Variants in MCC observed in about 807,000 individuals in gnomAD.
The protein encoded by MCC is colorectal mutant cancer protein.
A neutral mutation model predicts 116.2 loss-of-function variants in MCC; 90 were observed. That is an observed-to-expected ratio of 0.77 (90% CI 0.65 to 0.92). MCC has a LOEUF of 0.92. Ranked by LOEUF, MCC falls within the 40% of genes least tolerant of loss-of-function variation. The pLI, the probability that MCC is intolerant of heterozygous loss-of-function variation, is 0.00. For missense variants in MCC, 1,516 were observed against 1,312.2 expected, an observed-to-expected ratio of 1.16 and a Z score of -2.40; for synonymous variants, 578 against 510.5, an observed-to-expected ratio of 1.13 and a Z score of -1.78.
chr5:113,158,543 T>A (rs972580252), intron 3 of MCC, among the ~76,000 whole-genome samples: 1 of 152,188 alleles, frequency 6.6e-6, no homozygotes, highest in African/African-American at 2.4e-5. Flanking sequence ...ATGAAAGTAA[T>A]AATATTAATA....
At position 113,488,247 on chromosome 5, in the gene MCC, G is replaced by A; in HGVS notation, c.168C>T (p.Ser56=). 1.3e-6 allele frequency: 2 copies of A among 1,594,176 alleles called. No individual in the cohort carries two copies. The highest frequency in any genetic ancestry group is 1.7e-6 in the Non-Finnish European group (2 of 1,171,122). ...TTTCCTCGTACCTCCCCGCGTACCT[G>A]CTGATGTATCCGTCCCCGTCGCCGT... ...TCDGDGDGYI[S]RNDLLMVCRQ... is the part of the protein sequence containing the mutation. The change falls in exon 1 of 19, where the codon AGC becomes AGT. Residue 56 remains serine, a splice_region_variant and synonymous_variant. Transcript: ENST00000408903.
intron 3 of MCC, among the ~76,000 whole-genome samples, chr5:113,246,959 G>A (rs376925650): frequency 1.3e-5 from 2 of 152,150 alleles, no homozygotes; most frequent in Admixed American, 6.5e-5. Flanking sequence ...GGAGAGATCC[G>A]GAGTCTTGGC....
chr5:113,245,374 T>C (rs1004509194), intron 3 of MCC, among the ~76,000 whole-genome samples: 5 of 151,756 alleles, frequency 3.3e-5, no homozygotes, highest in Non-Finnish European at 5.9e-5. Flanking sequence ...ATATCTTATG[T>C]CCTCTCTCTT....
intron 18 of MCC, among the ~76,000 whole-genome samples, chr5:113,027,806 T>TG (rs1258396051): frequency 3.9e-5 from 6 of 152,180 alleles, no homozygotes; most frequent in African/African-American, 1.4e-4. Flanking sequence ...ATACAAATAG[T>TG]GGGTCTATTT....
At chr5:113,077,712 C>G (rs995899846) in intron 11 of MCC, among the ~76,000 whole-genome samples, 1 of 152,122 alleles carries the variant, frequency 6.6e-6, no homozygotes, top group Non-Finnish European at 1.5e-5. Flanking sequence ...CAGGAAAGAT[C>G]TAAAATCGAC....
At position 113,452,291 on chromosome 5, in the gene MCC, T is replaced by C. The variant is rs543288183; in HGVS notation, c.170+35954A>G. Among the ~76,000 whole-genome samples the C allele has an allele frequency of 1.4e-4, 21 of 152,306 alleles. No individual in the cohort carries two copies. The South Asian group carries it at 4.4e-3, about 32-fold the overall frequency. On this transcript the variant is annotated intron_variant, in intron 1 of 18. Transcript: ENST00000408903. ...CATGCATATATAGGAATGGGAAGAA[T>C]TGTGGGCAGCTATATGCTGTGGTCT...
rs1488660458 is a variant in MCC, at chr5:113,022,296, A to AG, written c.*5005dup. The AG allele has an allele frequency of 6.5e-6, 1 of 152,696 alleles. No individual in the cohort carries two copies. The highest frequency in any genetic ancestry group is 2.4e-5 in the African/African-American group (1 of 41,468). 9.5% of individuals were successfully genotyped at this position (152,696 alleles called of 1,614,324 possible). ...CAAGTGGAGAATCTAAAAAATTACA[A>AG]GGTATAGTACAGTGTTAAGTAGCAA... is the stretch of plus-strand genomic sequence containing the variant. On this transcript the variant is annotated 3_prime_UTR_variant, in exon 19 of 19. Coordinates refer to ENST00000408903, the MANE Select transcript of MCC (RefSeq NM_001085377.2).
At chr5:113,246,508 T>C (rs1233846143) in intron 3 of MCC, among the ~76,000 whole-genome samples, 1 of 152,172 alleles carries the variant, frequency 6.6e-6, no homozygotes, top group Non-Finnish European at 1.5e-5. Flanking sequence ...AATGGCTTAA[T>C]TTTTAGGAAA....
chr5:113,363,142 T>A (rs1179116790), intron 2 of MCC, among the ~76,000 whole-genome samples: 5 of 152,086 alleles, frequency 3.3e-5, no homozygotes, highest in Non-Finnish European at 7.4e-5. Flanking sequence ...GCTGGTGTGG[T>A]GGCACGTGCC....
intron 1 of MCC, among the ~76,000 whole-genome samples, chr5:113,448,720 C>T (rs191881096): frequency 3.3e-4 from 50 of 152,148 alleles, no homozygotes; most frequent in Admixed American, 2.4e-3. Context: ...TATTTTTTCC[C>T]GGAATTACAA....
intron 3 of MCC, among the ~76,000 whole-genome samples, chr5:113,281,093 A>G (rs1383914497): frequency 6.6e-6 from 1 of 152,244 alleles, no homozygotes; most frequent in Non-Finnish European, 1.5e-5. Context: ...TCAATAAAGT[A>G]TCAGAGGCTT....
At chr5:113,151,486 C>A in intron 3 of MCC, 64 bp from the exon 4 acceptor site, 1 of 843,998 alleles carries the variant, frequency 1.2e-6, no homozygotes, top group Non-Finnish European at 1.9e-6. Context: ...TCCCTTCATT[C>A]CCGCAACTAG....
At chr5:113,220,661 C>T (rs944526793) in intron 3 of MCC, among the ~76,000 whole-genome samples, 6 of 152,212 alleles carry the variant, frequency 3.9e-5, no homozygotes, top group African/African-American at 1.2e-4. Context: ...TTCTGTATTT[C>T]CTTGGTATCT....
intron 1 of MCC, among the ~76,000 whole-genome samples, chr5:113,440,414 C>A (rs1771000854): frequency 2.6e-5 from 4 of 152,150 alleles, no homozygotes; most frequent in African/African-American, 2.4e-5. Context: ...ACCTTGATCT[C>A]ATTTTGTCAT....
chr5:113,414,244 G>C (rs1009878050), intron 1 of MCC, among the ~76,000 whole-genome samples: 2 of 152,216 alleles, frequency 1.3e-5, no homozygotes, highest in Non-Finnish European at 2.9e-5. Context: ...TGTATATTCT[G>C]TTGATTCGGG....
intron 1 of MCC, among the ~76,000 whole-genome samples, chr5:113,446,853 A>C (rs1771234275): frequency 6.6e-6 from 1 of 152,230 alleles, no homozygotes; most frequent in Non-Finnish European, 1.5e-5. Context: ...TACTATGTTC[A>C]CTACCTGAGT....
chr5:113,300,003 A>C (rs1376021293), intron 3 of MCC, among the ~76,000 whole-genome samples: 1 of 152,138 alleles, frequency 6.6e-6, no homozygotes, highest in Admixed American at 6.5e-5. Context: ...CCTGGGCATG[A>C]CTGGATGAGG....
intron 3 of MCC, among the ~76,000 whole-genome samples, chr5:113,277,894 T>C (rs892565626): frequency 6.6e-6 from 1 of 152,176 alleles, no homozygotes; most frequent in African/African-American, 2.4e-5. Flanking sequence ...AGCCTTATTA[T>C]CCAACAGTCT....
At chr5:113,459,141 G>GTGTGTGTA in intron 1 of MCC, among the ~76,000 whole-genome samples, 1 of 136,568 alleles carries the variant, frequency 7.3e-6, no homozygotes, top group African/African-American at 3.1e-5. Flanking sequence ...ATATGTGTGT[G>GTGTGTGTA]TGTGTGTGTG....
Sources: gnomAD v4.1 joint callset for allele counts (sites outside exome capture counted in the v4.1 genomes callset) on GRCh38, gnomAD v4.1.1 for gene constraint, MANE v1.5 for transcripts, NCBI Gene and HGNC (gene_info 2026-07-23, HGNC 2026-07-21) for gene names.